Variants in MRPL48 observed in about 807,000 individuals in gnomAD.
MRPL48 encodes the protein large ribosomal subunit protein mL48.
Under a neutral mutation model 32.9 loss-of-function variants are expected in MRPL48, and 16 were observed. The observed-to-expected ratio is 0.49, with a 90% CI of 0.33 to 0.74. MRPL48 has a LOEUF of 0.74. Among genes scored for constraint, MRPL48 ranks in the 30% least tolerant of loss-of-function variants. The pLI, the probability that MRPL48 is intolerant of heterozygous loss-of-function variation, is 0.02. For missense variants in MRPL48, 206 were observed against 245.3 expected, an observed-to-expected ratio of 0.84 and a Z score of 1.07; for synonymous variants, 94 against 89.2, an observed-to-expected ratio of 1.05 and a Z score of -0.31.
At chr11:73,800,935 T>C (rs953258742) in intron 1 of MRPL48, among the ~76,000 whole-genome samples, 17 of 151,506 alleles carry the variant, frequency 1.1e-4, no homozygotes, top group African/African-American at 3.9e-4. Context: ...CCTCAGCCTC[T>C]GGAGTAGCTG....
At chr11:73,863,339 G>A (rs1948616962) in intron 7 of MRPL48, 78 bp downstream of exon 7, 2 of 1,220,976 alleles carry the variant, frequency 1.6e-6, no homozygotes, top group East Asian at 5.1e-5. Context: ...GGACTTCCTG[G>A]CTTTAGAAAG....
intron 5 of MRPL48, among the ~76,000 whole-genome samples, chr11:73,848,957 G>A (rs1376503759): frequency 6.6e-6 from 1 of 151,750 alleles, no homozygotes; most frequent in Non-Finnish European, 1.5e-5. Context: ...GAATAGCTGG[G>A]ACTACAGGTG....
intron 1 of MRPL48, among the ~76,000 whole-genome samples, chr11:73,788,472 C>CTTTTTTT (rs11352308): frequency 3.6e-5 from 4 of 109,594 alleles, no homozygotes; most frequent in Admixed American, 1.0e-4. Context: ...TCTTTTCTTT[C>CTTTTTTT]TTTTTTTTTT....
At chr11:73,814,970 G>A (rs541070094) in intron 3 of MRPL48, among the ~76,000 whole-genome samples, 2 of 150,342 alleles carry the variant, frequency 1.3e-5, no homozygotes, top group African/African-American at 2.5e-5. Context: ...CGTCAGCCAG[G>A]ATGACAGAGC....
At chr11:73,817,919 CT>C in intron 3 of MRPL48, 1 of 240,344 alleles carries the variant, frequency 4.2e-6, no homozygotes, top group Non-Finnish European at 8.6e-6. Flanking sequence ...ATCCTCCTGC[CT>C]CAGCCTCTGG....
intron 4 of MRPL48, among the ~76,000 whole-genome samples, chr11:73,826,452 A>G (rs554860906): frequency 1.3e-5 from 2 of 152,034 alleles, no homozygotes; most frequent in South Asian, 4.2e-4. Flanking sequence ...GTAGACTGAT[A>G]TTTTCAGCCA....
chr11:73,842,239 C>A (rs1026546645), intron 4 of MRPL48: 3 of 152,200 alleles, frequency 2.0e-5, no homozygotes, highest in African/African-American at 7.2e-5. Context: ...GCGTGAGCCA[C>A]TGTGCCTAGC....
At chr11:73,807,301 G>A (rs114938272) in intron 2 of MRPL48, among the ~76,000 whole-genome samples, 242 of 152,072 alleles carry the variant, frequency 1.6e-3, no homozygotes, top group African/African-American at 5.5e-3. Flanking sequence ...ACATCTTCCC[G>A]AACTACTCGG....
chr11:73,804,129 G>A (rs184039576), intron 1 of MRPL48, among the ~76,000 whole-genome samples: 5 of 151,952 alleles, frequency 3.3e-5, no homozygotes, highest in Non-Finnish European at 5.9e-5. Context: ...AATCTTGGCC[G>A]GGCTGGTCTT....
intron 1 of MRPL48, among the ~76,000 whole-genome samples, chr11:73,789,891 A>G (rs1242689534): frequency 6.6e-6 from 1 of 151,942 alleles, no homozygotes; most frequent in Non-Finnish European, 1.5e-5. Flanking sequence ...GAATGACTGG[A>G]ACCTAGGCTT....
At chr11:73,814,677 AAGAGTG>A (rs1220877857) in intron 3 of MRPL48, among the ~76,000 whole-genome samples, 1 of 150,704 alleles carries the variant, frequency 6.6e-6, no homozygotes, top group African/African-American at 2.4e-5. Context: ...CCTAGGCGAC[AAGAGTG>A]AGACTGTCTC....
chr11:73,840,517 A>G (rs1948169540), intron 4 of MRPL48, among the ~76,000 whole-genome samples: 1 of 151,964 alleles, frequency 6.6e-6, no homozygotes, highest in East Asian at 1.9e-4. Flanking sequence ...TTGTTTTTTT[A>G]TAGACGGAGT....
intron 1 of MRPL48, among the ~76,000 whole-genome samples, chr11:73,798,614 G>A (rs142827910): frequency 2.2e-4 from 33 of 152,246 alleles, no homozygotes; most frequent in African/African-American, 7.5e-4. Flanking sequence ...GTCTGAAAAT[G>A]TTTCAGTTTT....
chr11:73,799,398 A>G, intron 1 of MRPL48, among the ~76,000 whole-genome samples: 1 of 152,190 alleles, frequency 6.6e-6, no homozygotes, highest in East Asian at 1.9e-4. Context: ...TTCATCTTGG[A>G]ATAAAATAAG....
In MRPL48 at chr11:73,803,159, G is replaced by A. The variant is rs557385188; in HGVS notation, c.22-1868G>A. Among the ~76,000 whole-genome samples the A allele has an allele frequency of 3.3e-5, 5 of 152,068 alleles. No individual in the cohort carries two copies. In the South Asian group the frequency reaches 1.0e-3, roughly 32 times the overall value. ...TATTTATTTTTTGAGACAGAGTCTT[G>A]CTCTGTTGCCCAGACTGGAGTGCAA... On this transcript the variant is annotated intron_variant, in intron 1 of 7. Transcript: ENST00000310614.
chr11:73,829,441 A>C (rs1044938554), intron 4 of MRPL48, among the ~76,000 whole-genome samples: 1 of 151,514 alleles, frequency 6.6e-6, no homozygotes, highest in African/African-American at 2.4e-5. Flanking sequence ...ATCCTGGCCC[A>C]CTGCCCCTTG....
intron 3 of MRPL48, among the ~76,000 whole-genome samples, chr11:73,816,849 G>A (rs1181434195): frequency 1.3e-5 from 2 of 148,814 alleles, no homozygotes; most frequent in Non-Finnish European, 3.0e-5. Flanking sequence ...TTTTTGAGAC[G>A]GAGTCTCACT....
intron 2 of MRPL48, among the ~76,000 whole-genome samples, chr11:73,806,337 C>T (rs1947454113): frequency 6.6e-6 from 1 of 152,122 alleles, no homozygotes; most frequent in South Asian, 2.1e-4. Flanking sequence ...CCTTGATAAT[C>T]TAAGCACCTT....
chr11:73,844,383 A>G (rs1346400274), intron 4 of MRPL48, among the ~76,000 whole-genome samples: 1 of 152,036 alleles, frequency 6.6e-6, no homozygotes, highest in Non-Finnish European at 1.5e-5. Context: ...GTGAGCCGAG[A>G]TTGCGCCACT....
Sources: allele counts gnomAD v4.1 joint callset (sites outside exome capture counted in the v4.1 genomes callset), GRCh38; gene constraint gnomAD v4.1.1; transcripts MANE v1.5; gene names NCBI Gene and HGNC (gene_info 2026-07-23, HGNC 2026-07-21).